Variants in PXDNL observed in about 807,000 individuals in gnomAD.
The protein encoded by PXDNL is peroxidasin like, also known as probable oxidoreductase PXDNL.
PXDNL carries 145 observed loss-of-function variants against 150.8 expected under a neutral mutation model. The ratio of observed to expected loss-of-function variants is 0.96; its 90% CI spans 0.84 to 1.10. The LOEUF (loss-of-function observed/expected upper bound fraction) is 1.10, where lower values mean the gene tolerates loss of function less well. PXDNL is among the 50% of genes least tolerant of loss of function. The pLI, the probability that PXDNL is intolerant of heterozygous loss-of-function variation, is 0.00. For synonymous variants in PXDNL, 757 were observed against 725.7 expected (o/e 1.04, Z -0.69); for missense variants, 2,087 against 1,873.9 (o/e 1.11, Z -2.10).
intron 3 of PXDNL, among the ~76,000 whole-genome samples, chr8:51,575,090 T>C (rs1813021520): frequency 3.3e-5 from 5 of 152,026 alleles, no homozygotes; most frequent in South Asian, 2.1e-4. Flanking sequence ...TCAATGTATG[T>C]AGAGAAAATA....
intron 1 of PXDNL, among the ~76,000 whole-genome samples, chr8:51,789,196 ATT>A (rs10718358): frequency 2.3e-4 from 30 of 131,952 alleles, no homozygotes; most frequent in African/African-American, 5.8e-4. Context: ...CATTGTACCC[ATT>A]TTTTTTTTTT....
chr8:51,477,481 C>T (rs1211646892), intron 6 of PXDNL, among the ~76,000 whole-genome samples: 4 of 152,276 alleles, frequency 2.6e-5, no homozygotes, highest in Middle Eastern at 3.4e-3. Context: ...CAGTGGGCCT[C>T]GGCTGTTCCT....
At chr8:51,790,730 C>A (rs376517763) in intron 1 of PXDNL, among the ~76,000 whole-genome samples, 26 of 50,864 alleles carry the variant, frequency 5.1e-4, no homozygotes, top group African/African-American at 8.1e-4. Context: ...GGCCCAGCCC[C>A]GGGTGCCAGC....
chr8:51,492,734 G>C (rs551202641), intron 5 of PXDNL, among the ~76,000 whole-genome samples: 12 of 152,284 alleles, frequency 7.9e-5, no homozygotes, highest in Admixed American at 7.8e-4. Context: ...GAGGCTGGGG[G>C]AGGGGCGCCT....
At chr8:51,521,369 A>G (rs1272721157) in intron 4 of PXDNL, among the ~76,000 whole-genome samples, 1 of 152,188 alleles carries the variant, frequency 6.6e-6, no homozygotes, top group African/African-American at 2.4e-5. Context: ...CAATAGCAAC[A>G]AAAATGCTCC....
At chr8:51,653,026 A>G (rs1815073834) in intron 2 of PXDNL, among the ~76,000 whole-genome samples, 1 of 152,072 alleles carries the variant, frequency 6.6e-6, no homozygotes, top group South Asian at 2.1e-4. Context: ...ATTTTATCAT[A>G]TTCACAATTT....
intron 1 of PXDNL, among the ~76,000 whole-genome samples, chr8:51,758,486 C>T (rs926180711): frequency 2.0e-5 from 3 of 152,178 alleles, no homozygotes; most frequent in African/African-American, 7.2e-5. Context: ...TATGGTTAAG[C>T]TTTGTGTCCC....
In PXDNL at chr8:51,637,658, G is replaced by A. The variant is rs191483818; in HGVS notation, c.236+17031C>T. 3.7e-4 allele frequency among the ~76,000 whole-genome samples: 56 copies of A among 152,216 alleles called. 1 individual carries two copies. Among genetic ancestry groups the A allele is most frequent in the African/African-American group, 1.3e-3 (53 of 41,550 alleles). On this transcript the variant is annotated intron_variant, in intron 2 of 22. Coordinates refer to ENST00000356297, the MANE Select transcript of PXDNL (RefSeq NM_144651.5). ...AAAAGAGAAGTTTAGAGAAAAAAGA[G>A]TAAAAAGAAATGAACAAAGCCTCCA...
chr8:51,761,157 G>A (rs907771078), intron 1 of PXDNL, among the ~76,000 whole-genome samples: 1 of 151,618 alleles, frequency 6.6e-6, no homozygotes, highest in East Asian at 1.9e-4. Flanking sequence ...ACAGGCGTGA[G>A]CCACCGCGGC....
At chr8:51,695,935 A>G (rs35195931) in intron 1 of PXDNL, among the ~76,000 whole-genome samples, 115,272 of 152,044 alleles carry the variant, frequency 0.76, 43,771 homozygotes, top group East Asian at 0.82. Flanking sequence ...TCCTCGGGGA[A>G]CAGAACAGGG....
chr8:51,576,322 A>T (rs1364025251), intron 3 of PXDNL, among the ~76,000 whole-genome samples: 1 of 151,978 alleles, frequency 6.6e-6, no homozygotes, highest in Non-Finnish European at 1.5e-5. Flanking sequence ...AAATATTGAA[A>T]TCATACAGAG....
chr8:51,603,070 C>T (rs528645009), intron 2 of PXDNL, among the ~76,000 whole-genome samples: 1 of 151,622 alleles, frequency 6.6e-6, no homozygotes, highest in African/African-American at 2.4e-5. Flanking sequence ...TTTATAGTTT[C>T]CCCTGTGATA....
chr8:51,654,758 T>C lies in PXDNL; in HGVS notation c.167A>G (p.Asp56Gly). 1 of 1,612,332 alleles carries C rather than the reference T, an allele frequency of 6.2e-7. No individual in the cohort carries two copies. Among genetic ancestry groups the C allele is most frequent in the Non-Finnish European group, 8.5e-7 (1 of 1,178,702 alleles). The change falls in exon 2 of 23, where the codon GAC (aspartate) becomes GGC (glycine). Residue 56 changes from aspartate (D) to glycine (G), a missense_variant and splice_region_variant. Coordinates refer to ENST00000356297, the MANE Select transcript of PXDNL (RefSeq NM_144651.5). ...TTCTCTTATTCTGTTAAACCTCAAGTCTCTGGGAACATAAAAAGGTGAAGA... is the reference window on the plus strand; with the variant it reads ...TTCTCTTATTCTGTTAAACCTCAAGCCTCTGGGAACATAAAAAGGTGAAGA... ...PQVPQQTTVL[D>G]LRFNRIREIP...
At chr8:51,687,325 C>T (rs2130857052) in intron 1 of PXDNL, among the ~76,000 whole-genome samples, 1 of 152,176 alleles carries the variant, frequency 6.6e-6, no homozygotes, top group Non-Finnish European at 1.5e-5. Flanking sequence ...CTAACAATTG[C>T]ATTTCTAGAA....
At chr8:51,602,591 C>A (rs1813746293) in intron 2 of PXDNL, among the ~76,000 whole-genome samples, 2 of 151,718 alleles carry the variant, frequency 1.3e-5, no homozygotes, top group African/African-American at 4.8e-5. Flanking sequence ...TTATTTGAAA[C>A]AAATGTTATT....
At chr8:51,779,954 G>A (rs1215468423) in intron 1 of PXDNL, among the ~76,000 whole-genome samples, 2 of 152,076 alleles carry the variant, frequency 1.3e-5, no homozygotes, top group Non-Finnish European at 2.9e-5. Context: ...GCTCATGCCT[G>A]TAATCCCAGC....
intron 4 of PXDNL, among the ~76,000 whole-genome samples, chr8:51,521,680 C>G (rs1379805326): frequency 1.3e-5 from 2 of 151,666 alleles, no homozygotes; most frequent in East Asian, 1.9e-4. Flanking sequence ...AGATAAATAC[C>G]AAAAACTGCA....
At chr8:51,760,678 C>A (rs1563312757) in intron 1 of PXDNL, among the ~76,000 whole-genome samples, 1 of 151,936 alleles carries the variant, frequency 6.6e-6, no homozygotes, top group Non-Finnish European at 1.5e-5. Flanking sequence ...ACTATTTGTA[C>A]CAGCAAAGAG....
intron 1 of PXDNL, among the ~76,000 whole-genome samples, chr8:51,675,059 C>T (rs1815583214): frequency 6.6e-6 from 1 of 152,218 alleles, no homozygotes; most frequent in Non-Finnish European, 1.5e-5. Flanking sequence ...TGTGGCCCAT[C>T]ATTTGCTACG....
Sources: allele counts gnomAD v4.1 joint callset (sites outside exome capture counted in the v4.1 genomes callset), GRCh38; gene constraint gnomAD v4.1.1; transcripts MANE v1.5; gene names NCBI Gene and HGNC (gene_info 2026-07-23, HGNC 2026-07-21).